The following RUNX1T1 variants were observed in gnomAD, a reference collection of about 807,000 sequenced individuals.
RUNX1T1 encodes the protein RUNX1 partner transcriptional co-repressor 1, also known as protein CBFA2T1.
Under a neutral mutation model 62.8 loss-of-function variants are expected in RUNX1T1, and 4 were observed. The observed-to-expected ratio is 0.06, with a 90% CI of 0.03 to 0.15. RUNX1T1 has a LOEUF of 0.15. RUNX1T1 is among the 10% of genes least tolerant of loss of function. The pLI is 1.00. For synonymous variants in RUNX1T1, 291 were observed against 286.0 expected (o/e 1.02, Z -0.18); for missense variants, 508 against 754.3 (o/e 0.67, Z 3.82).
At chr8:92,064,029 G>A (rs1178817823), upstream of RUNX1T1, among the ~76,000 whole-genome samples, 5 of 152,100 alleles carry the variant, frequency 3.3e-5, no homozygotes, top group Non-Finnish European at 7.4e-5. Flanking sequence ...GCCCTTGTCA[G>A]ATGGATTTCC....
chr8:91,984,134 A>G (rs1246875658), intron 8 of RUNX1T1, among the ~76,000 whole-genome samples: 1 of 152,222 alleles, frequency 6.6e-6, no homozygotes, highest in Non-Finnish European at 1.5e-5. Context: ...ATATAAATCC[A>G]TTGAACATCA....
At chr8:92,081,880 T>TTTTA (rs1251239505) in intron 1 of RUNX1T1, among the ~76,000 whole-genome samples, 185 of 152,048 alleles carry the variant, frequency 1.2e-3, no homozygotes, top group Middle Eastern at 3.4e-3. Context: ...AGTTGTGGTA[T>TTTTA]TTTATTTATT....
upstream of RUNX1T1, among the ~76,000 whole-genome samples, chr8:92,066,046 C>T (rs2130665616): frequency 6.6e-6 from 1 of 152,332 alleles, no homozygotes; most frequent in East Asian, 1.9e-4. Flanking sequence ...TTAAGCAGGG[C>T]TGCATTAACA....
At chr8:92,074,699 A>G (rs949597385) in intron 2 of RUNX1T1, among the ~76,000 whole-genome samples, 2 of 152,364 alleles carry the variant, frequency 1.3e-5, no homozygotes, top group East Asian at 3.9e-4. Context: ...CAAAAAACCA[A>G]TGTTTAGTAA....
intron 1 of RUNX1T1, among the ~76,000 whole-genome samples, chr8:92,020,229 T>C (rs1206247410): frequency 6.6e-6 from 1 of 152,178 alleles, no homozygotes; most frequent in African/African-American, 2.4e-5. Context: ...TTAAGATAAA[T>C]GCGGAAAATG....
At chr8:92,082,948 A>C (rs959639126) in intron 1 of RUNX1T1, among the ~76,000 whole-genome samples, 23 of 152,170 alleles carry the variant, frequency 1.5e-4, no homozygotes, top group African/African-American at 5.3e-4. Context: ...ACTAAGGGAC[A>C]ACTGGAGGGA....
chr8:91,964,409 T>C (rs189298291), intron 10 of RUNX1T1, among the ~76,000 whole-genome samples: 2 of 152,164 alleles, frequency 1.3e-5, no homozygotes, highest in African/African-American at 4.8e-5. Context: ...GTGTAATAAA[T>C]TTAAATATAA....
intron 1 of RUNX1T1, among the ~76,000 whole-genome samples, chr8:92,040,622 C>T (rs548001921): frequency 6.6e-6 from 1 of 152,340 alleles, no homozygotes; most frequent in South Asian, 2.1e-4. Context: ...TTAGGTCTGG[C>T]TCTACTGTGC....
chr8:91,964,567 A>C (rs1811184395), intron 10 of RUNX1T1, among the ~76,000 whole-genome samples: 1 of 152,204 alleles, frequency 6.6e-6, no homozygotes, highest in Non-Finnish European at 1.5e-5. Context: ...CAGTTTCAGA[A>C]ACTGGGACCC....
intron 1 of RUNX1T1, among the ~76,000 whole-genome samples, chr8:92,048,005 T>C (rs576740431): frequency 6.6e-6 from 1 of 152,288 alleles, no homozygotes; most frequent in East Asian, 1.9e-4. Context: ...TTTTTACAAC[T>C]CCATTGCACT....
At chr8:92,070,910 A>ACAC (rs1301490817) in intron 2 of RUNX1T1, among the ~76,000 whole-genome samples, 1 of 152,180 alleles carries the variant, frequency 6.6e-6, no homozygotes, top group Admixed American at 6.5e-5. Flanking sequence ...TTTGCAGGAA[A>ACAC]CACCACCACC....
chr8:92,024,616 A>G (rs1824793156), intron 1 of RUNX1T1, among the ~76,000 whole-genome samples: 1 of 151,558 alleles, frequency 6.6e-6, no homozygotes. Context: ...AAACATGTAC[A>G]CTACTTTATC....
intron 6 of RUNX1T1, 149 bp downstream of exon 7, chr8:91,991,490 G>T: frequency 1.2e-6 from 1 of 858,684 alleles, no homozygotes; most frequent in Non-Finnish European, 1.8e-6. Context: ...TACCAATCAA[G>T]TTTTTTTCAT....
exon 8 of RUNX1T1, chr8:91,986,265 G>A (rs897814016): frequency 6.2e-7 from 1 of 1,613,826 alleles, no homozygotes; most frequent in Non-Finnish European, 8.5e-7. Context: ...TCTTGACACC[G>A]CCTTAGTACG....
At chr8:92,025,765 T>C (rs1825018141) in intron 1 of RUNX1T1, among the ~76,000 whole-genome samples, 1 of 152,228 alleles carries the variant, frequency 6.6e-6, no homozygotes, top group Non-Finnish European at 1.5e-5. Flanking sequence ...ATCATCTATG[T>C]ATCTCTTTTT....
chr8:92,099,698 TGAA>T (rs1837951978), upstream of RUNX1T1: 3 of 965,606 alleles, frequency 3.1e-6, no homozygotes, highest in Non-Finnish European at 3.7e-6. Context: ...AAAACCTCAG[TGAA>T]GAAGGCTTTG....
At chr8:92,071,866 A>G (rs1833736161) in intron 2 of RUNX1T1, among the ~76,000 whole-genome samples, 1 of 152,142 alleles carries the variant, frequency 6.6e-6, no homozygotes, top group Non-Finnish European at 1.5e-5. Context: ...TCAACAGAAC[A>G]TTCTCCTCTC....
intron 1 of RUNX1T1, among the ~76,000 whole-genome samples, chr8:92,090,434 TCAA>T (rs1004927765): frequency 1.2e-4 from 18 of 151,844 alleles, no homozygotes; most frequent in Admixed American, 3.9e-4. Context: ...CTGGATAAGT[TCAA>T]CAACAACAAC....
chr8:92,102,765 G>A (rs962675837), upstream of RUNX1T1: 4 of 1,300,006 alleles, frequency 3.1e-6, no homozygotes, highest in African/African-American at 3.1e-5. The surrounding 1 kb of genome is among the most constrained non-coding windows in gnomAD (Gnocchi z 4.5). Context: ...TAATCCAAAC[G>A]AAGATGACGG....
Sources: gnomAD v4.1 joint callset for allele counts (sites outside exome capture counted in the v4.1 genomes callset) on GRCh38, gnomAD v4.1.1 for gene constraint, Gnocchi (gnomAD v3.1) non-coding constraint, MANE v1.5 for transcripts, NCBI Gene and HGNC (gene_info 2026-07-23, HGNC 2026-07-21) for gene names.